MCOLN1: variants seen among roughly 807,000 people sequenced by gnomAD.
The protein encoded by MCOLN1 is mucolipin-1.
A neutral mutation model predicts 70.3 loss-of-function variants in MCOLN1; 50 were observed. That is an observed-to-expected ratio of 0.71 (90% CI 0.57 to 0.90). MCOLN1 has a LOEUF of 0.90. Ranked by LOEUF, MCOLN1 falls within the 40% of genes least tolerant of loss-of-function variation. The pLI, the probability that MCOLN1 is intolerant of heterozygous loss-of-function variation, is 0.00. For missense variants in MCOLN1, 598 were observed against 803.5 expected (o/e 0.74, Z 3.09); for synonymous variants, 366 against 341.0 (o/e 1.07, Z -0.81).
At chr19:7,529,782 G>T (rs2022628243) in intron 11 of MCOLN1, 70 bp downstream of exon 11, 5 of 1,595,266 alleles carry the variant, frequency 3.1e-6, no homozygotes, top group Non-Finnish European at 4.3e-6. Flanking sequence ...ACCCCCAGAT[G>T]ACCCCTTGGT....
In MCOLN1 at chr19:7,528,838, G is replaced by A. The variant is rs150778171; in HGVS notation, c.1002G>A (p.Met334Ile). The A allele has an allele frequency of 2.0e-5, 32 of 1,614,252 alleles. No homozygotes were observed. In the African/African-American group the frequency reaches 3.9e-4, roughly 19 times the overall value. The change falls in exon 9 of 14, where the codon ATG becomes ATA. Residue 334 changes from methionine (M) to isoleucine (I), a missense_variant. By Grantham distance (10) the Met-to-Ile change is conservative. Transcript: ENST00000264079. The surrounding 1 kb of genome is among the most constrained non-coding windows in gnomAD (Gnocchi z 4.2). ...FLLQNEFVGF[M>I]WRQRGRVISL... The stretch of plus-strand genomic sequence containing the variant: ...TTCTGCAGGAGTTTGTGGGGTTCAT[G>A]TGGCGGCAGCGGGGACGGGTCATCA...
At chr19:7,532,083 T>G (rs951845785) in intron 12 of MCOLN1, among the ~76,000 whole-genome samples, 1 of 152,208 alleles carries the variant, frequency 6.6e-6, no homozygotes, top group Non-Finnish European at 1.5e-5. Context: ...GTGGTTTCCC[T>G]GCAAGCTGCA....
chr19:7,532,414 G>T (rs1170872346), intron 12 of MCOLN1, among the ~76,000 whole-genome samples: 1 of 151,596 alleles, frequency 6.6e-6, no homozygotes, highest in Non-Finnish European at 1.5e-5. Context: ...TTTAAATTTT[G>T]ATTTTAATTC....
chr19:7,533,191 A>G (rs2022687820), intron 12 of MCOLN1, among the ~76,000 whole-genome samples: 1 of 152,188 alleles, frequency 6.6e-6, no homozygotes, highest in Non-Finnish European at 1.5e-5. Flanking sequence ...CCCTGCTCCC[A>G]CTGCTGTGCT....
chr19:7,530,964 C>T (rs1438387275), intron 12 of MCOLN1, among the ~76,000 whole-genome samples: 3 of 152,218 alleles, frequency 2.0e-5, no homozygotes, highest in East Asian at 3.9e-4. Flanking sequence ...TGGTCTCAAA[C>T]TCCTGGCCTC....
At chr19:7,523,727 G>A (rs2022528025) in intron 1 of MCOLN1, among the ~76,000 whole-genome samples, 2 of 152,110 alleles carry the variant, frequency 1.3e-5, no homozygotes, top group African/African-American at 4.8e-5. Context: ...CTAACCATTA[G>A]GCTGGAAAAA....
Position 7,526,432 on chromosome 19 carries a change from TC to T in MCOLN1, c.238-3del. 6.2e-7 allele frequency: 1 copy of T among 1,614,186 alleles called. No homozygotes were observed. The highest frequency in any genetic ancestry group is 8.5e-7 in the Non-Finnish European group (1 of 1,180,028). ...AGCCATGCCAACCTCTACTACCCTC[TC>T]CCCAGCTCATCCTGTTTGGGCTCAG... On this transcript the variant is annotated splice_polypyrimidine_tract_variant and splice_region_variant and intron_variant, in intron 2 of 13. Transcript: ENST00000264079. This position sits in a 1 kb window ranked among gnomAD's most constrained non-coding sequence, Gnocchi z 4.6.
intron 5 of MCOLN1, 102 bp from the exon 6 acceptor site, chr19:7,527,762 C>G (rs774803373): frequency 8.7e-7 from 1 of 1,153,488 alleles, no homozygotes; most frequent in East Asian, 2.3e-5. Flanking sequence ...GTGAGCACTT[C>G]CCCTGCCAGC....
Position 7,522,704 on chromosome 19 carries a change from C to T in MCOLN1, c.-47C>T. The T allele has an allele frequency of 7.0e-7, 1 of 1,437,206 alleles. No homozygotes were observed. Among genetic ancestry groups the T allele is most frequent in the Non-Finnish European group, 9.1e-7 (1 of 1,099,152 alleles). 89.0% of individuals were successfully genotyped at this position (1,437,206 alleles called of 1,614,324 possible). Reference sequence around the variant, plus strand: ...AGTGACAGCGGCGGGCGATCGGACCCAGGCTGCCCCGCCGTACCCGCCTGC... The same window carrying T: ...AGTGACAGCGGCGGGCGATCGGACCTAGGCTGCCCCGCCGTACCCGCCTGC... On this transcript the variant is annotated 5_prime_UTR_variant, in exon 1 of 14. Coordinates refer to ENST00000264079, the MANE Select transcript of MCOLN1 (RefSeq NM_020533.3).
rs773784197 is a variant in MCOLN1 at position 7,529,108 on chromosome 19, C to A, written c.1142C>A (p.Ala381Glu). 1.9e-6 allele frequency: 3 copies of A among 1,613,864 alleles called. No homozygotes were observed. Among genetic ancestry groups the A allele is most frequent in the Non-Finnish European group, 2.5e-6 (3 of 1,179,988 alleles). ...CGCAGCTCCCACCCGCAGAACTTGG[C>A]GAGCTACGACGTCTGCAGCATCCTC... ...MKIGIEAKNL[A>E]SYDVCSILLG... Residue 381 changes from alanine to glutamate, a missense_variant, in exon 10 of 14, where the codon GCG (alanine) becomes GAG (glutamate). Physicochemically the swap from Ala to Glu is moderately radical, Grantham distance 107. This residue lies in a region of MCOLN1 where 461 missense variants were observed against 588.4 expected (regional missense o/e 0.78). Coordinates refer to ENST00000264079, the MANE Select transcript of MCOLN1 (RefSeq NM_020533.3).
rs1043399756 is a variant in MCOLN1 at position 7,531,899 on chromosome 19, C to T, written c.1575+1398C>T. Among the ~76,000 whole-genome samples the T allele has an allele frequency of 6.4e-4, 97 of 152,334 alleles. 1 individual carries two copies. Among genetic ancestry groups the T allele is most frequent in the African/African-American group, 2.2e-3 (90 of 41,578 alleles). ...ACCAGGCTGGTCTCAAACTCCTGAC[C>T]TTGTGATCCGCCCACCTCAGGCTCC... On this transcript the variant is annotated intron_variant, in intron 12 of 13. Transcript: ENST00000264079.
chr19:7,529,689 G>A lies in MCOLN1; in HGVS notation c.1336G>A (p.Val446Met), dbSNP rs754097561. 8 of 1,614,158 alleles carry A rather than the reference G, an allele frequency of 5.0e-6. No individual in the cohort carries two copies. Among genetic ancestry groups the A allele is most frequent in the Admixed American group, 1.7e-5 (1 of 60,030 alleles). The change falls in exon 11 of 14, where the codon GTG becomes ATG. Residue 446 changes from valine (V) to methionine (M), a missense_variant. Coordinates refer to ENST00000264079, the MANE Select transcript of MCOLN1 (RefSeq NM_020533.3). ...GGGCTACTGCTTCTGTGGCTGGATC[G>A]TGCTGGGGCCCTATCATGTGAAGGT... is the stretch of plus-strand genomic sequence containing the variant. ...YLGYCFCGWIVLGPYHVKFRS... is the reference protein window; with the variant it reads ...YLGYCFCGWIMLGPYHVKFRS...
At chr19:7,532,342 G>A (rs1568400739) in intron 12 of MCOLN1, among the ~76,000 whole-genome samples, 1 of 152,194 alleles carries the variant, frequency 6.6e-6, no homozygotes, top group Non-Finnish European at 1.5e-5. Context: ...TGGTATGACA[G>A]GAGATCCAGG....
intron 12 of MCOLN1, among the ~76,000 whole-genome samples, chr19:7,531,449 C>T (rs531397918): frequency 1.3e-5 from 2 of 152,012 alleles, no homozygotes; most frequent in African/African-American, 4.8e-5. Flanking sequence ...GATCCACCTG[C>T]CTTGGCCTCC....
intron 4 of MCOLN1, 150 bp downstream of exon 4, chr19:7,527,076 AC>A: frequency 9.7e-7 from 1 of 1,026,756 alleles, no homozygotes; most frequent in Non-Finnish European, 1.5e-6. Context: ...GAAGTTTGAG[AC>A]CAGCCTGGGC....
At chr19:7,527,679 A>G (rs1288921906) in intron 5 of MCOLN1, 51 bp downstream of exon 5, 2 of 1,302,954 alleles carry the variant, frequency 1.5e-6, no homozygotes, top group South Asian at 1.2e-5. Context: ...GCAGCACACT[A>G]GGCACTCTCA....
chr19:7,523,479 G>A (rs575803057), intron 1 of MCOLN1, among the ~76,000 whole-genome samples: 1 of 152,214 alleles, frequency 6.6e-6, no homozygotes, highest in Non-Finnish European at 1.5e-5. Flanking sequence ...TGGCTTTGTC[G>A]TAAACAGCCA....
rs563795687 is a variant in MCOLN1 at position 7,524,652 on chromosome 19, C to T, written c.32-309C>T. On this transcript the variant is annotated intron_variant, in intron 1 of 13. Transcript: ENST00000264079. This position sits in a 1 kb window ranked among gnomAD's most constrained non-coding sequence, Gnocchi z 4.1. Reference sequence around the variant, plus strand: ...CATAAGCATCCAGTCCTTAGCGTTCCCATGAGACATATTATTGCCCCATTT... The same window carrying T: ...CATAAGCATCCAGTCCTTAGCGTTCTCATGAGACATATTATTGCCCCATTT... 3.9e-5 allele frequency among the ~76,000 whole-genome samples: 6 copies of T among 152,174 alleles called. No homozygotes were observed. Among genetic ancestry groups the T allele is most frequent in the Non-Finnish European group, 8.8e-5 (6 of 68,026 alleles).
intron 10 of MCOLN1, 113 bp from the exon 11 acceptor site, chr19:7,529,477 C>T: frequency 7.2e-7 from 1 of 1,382,252 alleles, no homozygotes; most frequent in Admixed American, 2.0e-5. Flanking sequence ...CTCCCATGAC[C>T]ACACCGGCTG....
Sources: allele counts gnomAD v4.1 joint callset (sites outside exome capture counted in the v4.1 genomes callset), GRCh38; gene constraint gnomAD v4.1.1; regional missense constraint gnomAD v4.1.1; non-coding constraint Gnocchi (gnomAD v3.1); transcripts MANE v1.5; gene names NCBI Gene and HGNC (gene_info 2026-07-23, HGNC 2026-07-21).